BDP1: variants seen among roughly 807,000 people sequenced by gnomAD.
BDP1 encodes the protein transcription factor TFIIIB component B'' homolog.
In BDP1, 169 loss-of-function variants were observed where a neutral mutation model predicts 266.6. The observed-to-expected ratio is 0.63, with a 90% CI of 0.56 to 0.72. BDP1 has a LOEUF of 0.72. Among genes scored for constraint, BDP1 ranks in the 30% least tolerant of loss-of-function variants. The pLI is 0.00. For missense variants in BDP1, 3,015 were observed against 3,053.8 expected, an observed-to-expected ratio of 0.99 and a Z score of 0.30; for synonymous variants, 1,090 against 1,022.4, an observed-to-expected ratio of 1.07 and a Z score of -1.26.
chr5:71,493,814 A>G (rs1763732323), intron 11 of BDP1, among the ~76,000 whole-genome samples: 1 of 152,220 alleles, frequency 6.6e-6, no homozygotes, highest in African/African-American at 2.4e-5. Flanking sequence ...AATCTGTTAT[A>G]TGGCAGAGGT....
the BDP1 span, among the ~76,000 whole-genome samples, chr5:71,573,191 G>A: frequency 6.7e-6 from 1 of 149,564 alleles, no homozygotes; most frequent in Non-Finnish European, 1.5e-5. Context: ...TCGTGCCACC[G>A]CACTCCAGCC....
At chr5:71,474,893 C>G (rs1762493954) in intron 7 of BDP1, among the ~76,000 whole-genome samples, 1 of 149,968 alleles carries the variant, frequency 6.7e-6, no homozygotes, top group East Asian at 2.0e-4. Flanking sequence ...TCCCAAAGTG[C>G]TGGGATTACA....
chr5:71,476,723 A>C (rs1462150442), intron 7 of BDP1, among the ~76,000 whole-genome samples: 5 of 151,600 alleles, frequency 3.3e-5, no homozygotes, highest in Non-Finnish European at 7.4e-5. Context: ...CTTTTTTTTG[A>C]GATGGAGTCT....
chr5:71,467,088 A>G (rs761409055), intron 5 of BDP1, among the ~76,000 whole-genome samples: 7 of 152,226 alleles, frequency 4.6e-5, no homozygotes, highest in Middle Eastern at 3.2e-3. Flanking sequence ...ATACCGTTTT[A>G]TAATACGTAG....
At chr5:71,575,328 C>T in the BDP1 span, among the ~76,000 whole-genome samples, 7 of 152,218 alleles carry the variant, frequency 4.6e-5, no homozygotes, top group South Asian at 2.1e-4. Flanking sequence ...TTCTTCTCCA[C>T]GCTCTGCCTT....
intron 7 of BDP1, 133 bp downstream of exon 7, chr5:71,470,622 T>C: frequency 1.6e-6 from 1 of 644,460 alleles, no homozygotes; most frequent in South Asian, 2.2e-5. Flanking sequence ...AGAGTTTCAC[T>C]TTGTTGCCCA....
the BDP1 span, among the ~76,000 whole-genome samples, chr5:71,576,179 G>A: frequency 1.3e-5 from 2 of 152,096 alleles, no homozygotes; most frequent in Admixed American, 6.5e-5. Flanking sequence ...TTTTTCCTGT[G>A]CAGAGGCAAA....
intron 8 of BDP1, among the ~76,000 whole-genome samples, chr5:71,484,647 G>A (rs1763149526): frequency 6.6e-6 from 1 of 151,878 alleles, no homozygotes; most frequent in African/African-American, 2.4e-5. Flanking sequence ...AGATATCAAA[G>A]GATCTATAAA....
the BDP1 span, among the ~76,000 whole-genome samples, chr5:71,577,931 C>T: frequency 6.6e-6 from 1 of 152,078 alleles, no homozygotes; most frequent in African/African-American, 2.4e-5. Flanking sequence ...TGTTGGGAGC[C>T]AAAAAGGCCA....
intron 31 of BDP1, among the ~76,000 whole-genome samples, 182 bp downstream of exon 31, chr5:71,544,689 C>A (rs1742130898): frequency 6.6e-6 from 1 of 151,864 alleles, no homozygotes; most frequent in Admixed American, 6.6e-5. Context: ...ACCATCCTGG[C>A]TAACACGGTG....
chr5:71,481,245 T>TC (rs1177719159), intron 7 of BDP1, among the ~76,000 whole-genome samples: 1 of 151,044 alleles, frequency 6.6e-6, no homozygotes, highest in Non-Finnish European at 1.5e-5. Context: ...TTATGTTTTT[T>TC]CTTTTTTTTT....
chr5:71,506,758 T>TTA (rs67179518), intron 16 of BDP1, among the ~76,000 whole-genome samples: 41,268 of 135,558 alleles, frequency 0.3, 6,674 homozygotes, highest in East Asian at 0.48. Flanking sequence ...GTTTGGAGGT[T>TTA]TATATATATA....
intron 22 of BDP1, among the ~76,000 whole-genome samples, chr5:71,521,291 G>GTTTTTTTTT (rs1206948176): frequency 7.5e-6 from 1 of 133,546 alleles, no homozygotes; most frequent in African/African-American, 2.7e-5. Flanking sequence ...GTTTATATTA[G>GTTTTTTTTT]TTTTTTTTTT....
chr5:71,546,329 A>G (rs1742303643), intron 32 of BDP1, among the ~76,000 whole-genome samples: 1 of 152,092 alleles, frequency 6.6e-6, no homozygotes, highest in South Asian at 2.1e-4. Flanking sequence ...CTGTATAGAT[A>G]AATACTTGGC....
intron 37 of BDP1, among the ~76,000 whole-genome samples, chr5:71,561,175 G>A (rs1321101331): frequency 1.3e-5 from 2 of 151,994 alleles, no homozygotes; most frequent in Non-Finnish European, 2.9e-5. Flanking sequence ...GCTGAGGTGG[G>A]TGGATCACCT....
intron 18 of BDP1, among the ~76,000 whole-genome samples, 188 bp downstream of exon 18, chr5:71,512,616 GTATGTA>G (rs1301944182): frequency 6.6e-6 from 1 of 152,160 alleles, no homozygotes; most frequent in Admixed American, 6.5e-5. Context: ...ATACAAAATT[GTATGTA>G]ACAGTCTTAA....
intron 35 of BDP1, among the ~76,000 whole-genome samples, chr5:71,556,396 G>A (rs1428073093): frequency 1.3e-5 from 2 of 151,728 alleles, no homozygotes; most frequent in Admixed American, 6.6e-5. Context: ...TATTATGTGG[G>A]ATGCTAGCTT....
At chr5:71,537,415 C>A (rs149927404) in intron 26 of BDP1, among the ~76,000 whole-genome samples, 1 of 152,086 alleles carries the variant, frequency 6.6e-6, no homozygotes, top group Non-Finnish European at 1.5e-5. Flanking sequence ...GGTGGGATTT[C>A]CTTCTTCTTA....
At chr5:71,546,163 C>G (rs1435834692) in intron 32 of BDP1, among the ~76,000 whole-genome samples, 1 of 152,068 alleles carries the variant, frequency 6.6e-6, no homozygotes, top group Non-Finnish European at 1.5e-5. Context: ...ATTCCTTACC[C>G]CACCCTGACT....
Sources: gnomAD v4.1 joint callset for allele counts (sites outside exome capture counted in the v4.1 genomes callset) on GRCh38, gnomAD v4.1.1 for gene constraint, MANE v1.5 for transcripts, NCBI Gene and HGNC (gene_info 2026-07-23, HGNC 2026-07-21) for gene names.